The following ERICH6B variants were observed in gnomAD, a reference collection of about 807,000 sequenced individuals.
ERICH6B encodes glutamate rich 6B.
In ERICH6B, 69 loss-of-function variants were observed where a neutral mutation model predicts 80.0. That is an observed-to-expected ratio of 0.86 (90% CI 0.71 to 1.05). The LOEUF (loss-of-function observed/expected upper bound fraction) is 1.05. ERICH6B is among the 50% of genes least tolerant of loss of function. ERICH6B has a pLI of 0.00. For missense variants in ERICH6B, 754 were observed against 796.1 expected (o/e 0.95, Z 0.64); for synonymous variants, 283 against 291.9 (o/e 0.97, Z 0.31).
intron 14 of ERICH6B, among the ~76,000 whole-genome samples, chr13:45,541,974 A>C (rs1468614926): frequency 6.6e-6 from 1 of 152,186 alleles, no homozygotes. Flanking sequence ...CTGCCCTCCA[A>C]AGGCGGTGCT....
chr13:45,562,552 A>T (rs1874730490), intron 10 of ERICH6B, among the ~76,000 whole-genome samples: 1 of 152,106 alleles, frequency 6.6e-6, no homozygotes, highest in Admixed American at 6.5e-5. Context: ...GGTATCAGCC[A>T]ACATGCTCTT....
chr13:45,581,117 T>C (rs1875642998), intron 5 of ERICH6B, among the ~76,000 whole-genome samples: 1 of 152,118 alleles, frequency 6.6e-6, no homozygotes, highest in Non-Finnish European at 1.5e-5. Flanking sequence ...ATGGGGTGTG[T>C]GATGGGGACT....
intron 2 of ERICH6B, among the ~76,000 whole-genome samples, chr13:45,600,821 T>C (rs1408034061): frequency 6.6e-6 from 1 of 152,236 alleles, no homozygotes; most frequent in African/African-American, 2.4e-5. Flanking sequence ...GTTGCAGGTA[T>C]CTTTTTGATG....
chr13:45,576,827 G>A (rs964695328), intron 7 of ERICH6B, among the ~76,000 whole-genome samples: 1 of 152,260 alleles, frequency 6.6e-6, no homozygotes, highest in East Asian at 1.9e-4. Context: ...AGAAACATTC[G>A]AGTCAATGTA....
At chr13:45,586,131 G>A (rs368198401) in intron 5 of ERICH6B, among the ~76,000 whole-genome samples, 1 of 152,022 alleles carries the variant, frequency 6.6e-6, no homozygotes, top group Non-Finnish European at 1.5e-5. Flanking sequence ...GAGCACACAC[G>A]CTGAAAAAGG....
At chr13:45,610,375 C>T (rs1949892608) in intron 1 of ERICH6B, among the ~76,000 whole-genome samples, 1 of 152,166 alleles carries the variant, frequency 6.6e-6, no homozygotes, top group Admixed American at 6.6e-5. Flanking sequence ...GCCTAGCCAC[C>T]CCCAACCCTT....
chr13:45,589,345 T>C (rs1476953020), intron 4 of ERICH6B, among the ~76,000 whole-genome samples: 1 of 152,062 alleles, frequency 6.6e-6, no homozygotes, highest in Non-Finnish European at 1.5e-5. Flanking sequence ...GAACAAAGGA[T>C]TGGCTGGGTG....
chr13:45,561,464 T>A lies in ERICH6B; in HGVS notation c.1312A>T (p.Lys438Ter). 2 of 1,552,172 alleles carry A rather than the reference T, an allele frequency of 1.3e-6. No individual in the cohort carries two copies. The highest frequency in any genetic ancestry group is 1.7e-4 in the Middle Eastern group (1 of 5,998). The stretch of plus-strand genomic sequence containing the variant: ...TTTTGGATTTCTTCTGTCTCAGGCT[T>A]CTCAGGTGTTGGTTTGCTCATTAAA... ...FHLMSKPTPEKPETEEIQKPQ... is the reference protein window; with the variant it reads ...FHLMSKPTPE Residue 438 changes from lysine (K) to a stop codon, truncating the protein, a stop_gained, in exon 11 of 15, where the codon AAG (lysine) becomes TAG (stop). Transcript: ENST00000298738. LOFTEE classifies it high-confidence loss of function.
intron 5 of ERICH6B, among the ~76,000 whole-genome samples, chr13:45,582,534 C>A (rs1875717167): frequency 1.3e-5 from 2 of 152,166 alleles, no homozygotes. Context: ...CTTTTAGAAT[C>A]TGACTATGTT....
At chr13:45,606,073 T>C (rs762034509) in intron 2 of ERICH6B, among the ~76,000 whole-genome samples, 43 of 152,328 alleles carry the variant, frequency 2.8e-4, no homozygotes, top group Middle Eastern at 3.4e-3. Context: ...ACTCAAGTTC[T>C]TAGGGATTCC....
intron 9 of ERICH6B, among the ~76,000 whole-genome samples, chr13:45,564,983 C>T (rs1262282665): frequency 2.0e-5 from 3 of 152,122 alleles, no homozygotes. Context: ...CTACTGTATC[C>T]CTAGAGCCTA....
At chr13:45,563,437 C>T (rs571327424) in intron 10 of ERICH6B, among the ~76,000 whole-genome samples, 2 of 152,260 alleles carry the variant, frequency 1.3e-5, no homozygotes, top group East Asian at 3.9e-4. Flanking sequence ...GGGGAGCATC[C>T]TTATTGGGAA....
At chr13:45,556,022 A>T (rs1004281005) in intron 11 of ERICH6B, among the ~76,000 whole-genome samples, 3 of 149,388 alleles carry the variant, frequency 2.0e-5, no homozygotes, top group Non-Finnish European at 3.0e-5. Context: ...CATTTCATAC[A>T]TGCCTAGGCT....
intron 3 of ERICH6B, among the ~76,000 whole-genome samples, chr13:45,591,690 G>A (rs1044397118): frequency 1.3e-5 from 2 of 152,172 alleles, no homozygotes; most frequent in Non-Finnish European, 2.9e-5. Context: ...CAAAAGTAAA[G>A]TACTAACTTG....
At chr13:45,613,834 TTA>T (rs1949912861) in intron 1 of ERICH6B, among the ~76,000 whole-genome samples, 1 of 152,216 alleles carries the variant, frequency 6.6e-6, no homozygotes, top group Non-Finnish European at 1.5e-5. Context: ...AAAGACTTTT[TTA>T]GTTATACAAC....
intron 7 of ERICH6B, among the ~76,000 whole-genome samples, chr13:45,575,497 C>G (rs1391427755): frequency 6.6e-6 from 1 of 152,096 alleles, no homozygotes; most frequent in Admixed American, 6.5e-5. Context: ...TTCAAAGGAC[C>G]TTGTAGGCTG....
rs771584880 is a variant in ERICH6B, at chr13:45,550,281, G to A, written c.1443C>T (p.Pro481=). The A allele has an allele frequency of 6.4e-7, 1 of 1,551,466 alleles. No homozygotes were observed. Among genetic ancestry groups the A allele is most frequent in the Non-Finnish European group, 8.7e-7 (1 of 1,146,922 alleles). The change falls in exon 12 of 15, where the codon CCC becomes CCT. Residue 481 remains proline (P), a synonymous_variant. Coordinates refer to ENST00000298738, the MANE Select transcript of ERICH6B (RefSeq NM_182542.3). Reference sequence around the variant, plus strand: ...AGAGAATTTGATAGACATTCTTGTTGGGGTAGAGAATTAATTTTCCATCAC... The same window carrying A: ...AGAGAATTTGATAGACATTCTTGTTAGGGTAGAGAATTAATTTTCCATCAC... ...HQGDGKLILY[P]NKNVYQILFP... is the part of the protein sequence containing the mutation.
chr13:45,558,039 A>G (rs951803888), intron 11 of ERICH6B, among the ~76,000 whole-genome samples: 2 of 151,912 alleles, frequency 1.3e-5, no homozygotes. Flanking sequence ...GGTCATTTTC[A>G]CAATATTGAT....
Position 45,581,179 on chromosome 13 carries a change from G to A in ERICH6B, c.857-514C>T, listed in dbSNP as rs866528930. ...GATAGATCTGCTAAGATTTGCAATG[G>A]GAAGCTACTGTATATATATATTTAG... On this transcript the variant is annotated intron_variant, in intron 5 of 14. Coordinates refer to ENST00000298738, the MANE Select transcript of ERICH6B (RefSeq NM_182542.3). Among the ~76,000 whole-genome samples, 21 of 152,238 alleles carry A rather than the reference G, an allele frequency of 1.4e-4. No homozygotes were observed. The South Asian group carries it at 1.9e-3, about 14-fold the overall frequency.
Sources: allele counts gnomAD v4.1 joint callset (sites outside exome capture counted in the v4.1 genomes callset), GRCh38; gene constraint gnomAD v4.1.1; transcripts MANE v1.5; gene names NCBI Gene and HGNC (gene_info 2026-07-23, HGNC 2026-07-21).